XKR9: variants seen among roughly 807,000 people sequenced by gnomAD.
XKR9 encodes the protein XK related 9, also known as XK-related protein 9.
Under a neutral mutation model 32.0 loss-of-function variants are expected in XKR9, and 32 were observed. The ratio of observed to expected loss-of-function variants is 1.00; its 90% CI spans 0.76 to 1.34. XKR9 has a LOEUF of 1.34. Among genes scored for constraint, XKR9 ranks in the 40% most tolerant of loss-of-function variants. The pLI, the probability that XKR9 is intolerant of heterozygous loss-of-function variation, is 0.00. For synonymous variants in XKR9, 168 were observed against 143.4 expected (o/e 1.17, Z -1.22); for missense variants, 546 against 429.7 (o/e 1.27, Z -2.39).
chr8:70,927,737 G>A, the XKR9 span, among the ~76,000 whole-genome samples: 1 of 152,156 alleles, frequency 6.6e-6, no homozygotes, highest in Non-Finnish European at 1.5e-5. Flanking sequence ...TGAAAATTAA[G>A]TTTCAACATG....
At chr8:70,740,947 C>T (rs903012921) in intron 2 of XKR9, among the ~76,000 whole-genome samples, 7 of 152,198 alleles carry the variant, frequency 4.6e-5, no homozygotes, top group South Asian at 2.1e-4. Context: ...GCAGTCTGCC[C>T]GTTCTGAGAT....
intron 4 of XKR9, among the ~76,000 whole-genome samples, chr8:70,723,013 C>G (rs766511804): frequency 7.9e-5 from 12 of 151,670 alleles, no homozygotes; most frequent in Admixed American, 6.6e-5. Flanking sequence ...TTTGTTTTCT[C>G]TAATCTTGTC....
chr8:70,862,438 A>G, the XKR9 span, among the ~76,000 whole-genome samples: 1 of 151,878 alleles, frequency 6.6e-6, no homozygotes, highest in Non-Finnish European at 1.5e-5. Context: ...TTTTGGTATA[A>G]TACTTATTCT....
the XKR9 span, among the ~76,000 whole-genome samples, chr8:70,883,483 G>A: frequency 6.6e-6 from 1 of 151,780 alleles, no homozygotes; most frequent in African/African-American, 2.4e-5. Context: ...CTTTCCTTTG[G>A]GTAGATACCC....
chr8:70,955,014 G>A, the XKR9 span, among the ~76,000 whole-genome samples: 1 of 152,198 alleles, frequency 6.6e-6, no homozygotes, highest in Non-Finnish European at 1.5e-5. Context: ...ATTATAAAGT[G>A]CCCCTGTGTC....
the XKR9 span, among the ~76,000 whole-genome samples, chr8:70,906,827 T>G: frequency 1.3e-5 from 2 of 152,148 alleles, no homozygotes; most frequent in Admixed American, 6.5e-5. Flanking sequence ...TGTAAAAAAT[T>G]TTCCAAGATA....
chr8:70,786,594 C>T (rs1160294128), intron 2 of XKR9, among the ~76,000 whole-genome samples: 1 of 152,060 alleles, frequency 6.6e-6, no homozygotes, highest in South Asian at 2.1e-4. Flanking sequence ...ATAGCTAACA[C>T]TACTCTTTTG....
At chr8:70,819,535 A>G in the XKR9 span, among the ~76,000 whole-genome samples, 2 of 152,246 alleles carry the variant, frequency 1.3e-5, no homozygotes, top group African/African-American at 2.4e-5. Flanking sequence ...GGTTAAAATT[A>G]TGACTCCATC....
chr8:70,733,515 A>G (rs1046830551), intron 4 of XKR9, among the ~76,000 whole-genome samples: 4 of 152,108 alleles, frequency 2.6e-5, no homozygotes, highest in Admixed American at 2.6e-4. Flanking sequence ...AAATCATAAT[A>G]AAACAGTCTA....
rs1819053021 is a variant in XKR9 at position 70,680,843 on chromosome 8, G to A, written c.-216G>A. The A allele has an allele frequency of 2.6e-6, 1 of 387,330 alleles. No individual in the cohort carries two copies. The highest frequency in any genetic ancestry group is 4.7e-6 in the Non-Finnish European group (1 of 215,038). 24.0% of individuals were successfully genotyped at this position (387,330 alleles called of 1,614,324 possible). ...AGATTGATTAAAGCCTTGTAACATTGGACCTAGATTAGAGATTTAGAAAAG... is the reference window on the plus strand; with the variant it reads ...AGATTGATTAAAGCCTTGTAACATTAGACCTAGATTAGAGATTTAGAAAAG... On this transcript the variant is annotated 5_prime_UTR_variant, in exon 3 of 5. Coordinates refer to ENST00000408926, the MANE Select transcript of XKR9 (RefSeq NM_001011720.2).
At chr8:70,742,186 C>A (rs1488821494) in intron 2 of XKR9, among the ~76,000 whole-genome samples, 2 of 152,100 alleles carry the variant, frequency 1.3e-5, no homozygotes, top group Non-Finnish European at 2.9e-5. Flanking sequence ...ACAAAAAAGC[C>A]TAAATAACCA....
chr8:70,885,796 C>T, the XKR9 span, among the ~76,000 whole-genome samples: 1 of 152,158 alleles, frequency 6.6e-6, no homozygotes. Flanking sequence ...TGGGGTTTCA[C>T]TGTGTTAGCC....
chr8:71,021,840 T>G, the XKR9 span, among the ~76,000 whole-genome samples: 1 of 152,224 alleles, frequency 6.6e-6, no homozygotes, highest in Non-Finnish European at 1.5e-5. Flanking sequence ...CTCTTCAGTT[T>G]AATTCTGATT....
At chr8:70,977,053 T>C in the XKR9 span, among the ~76,000 whole-genome samples, 1,533 of 152,354 alleles carry the variant, frequency 0.01, 11 homozygotes, top group Non-Finnish European at 0.016. Flanking sequence ...TTCTGTGCGA[T>C]TGGTTGTGAG....
At chr8:70,794,674 A>G (rs1472959595), downstream of XKR9, among the ~76,000 whole-genome samples, 4 of 151,922 alleles carry the variant, frequency 2.6e-5, no homozygotes, top group Admixed American at 2.0e-4. Flanking sequence ...TGAATGTTGA[A>G]CCAACCTTTA....
At chr8:70,770,018 CA>C (rs1329006605) in intron 2 of XKR9, among the ~76,000 whole-genome samples, 1 of 152,078 alleles carries the variant, frequency 6.6e-6, no homozygotes, top group Non-Finnish European at 1.5e-5. Context: ...GGAGAAGATG[CA>C]TTCTGGTTTT....
At chr8:70,874,640 T>C in the XKR9 span, among the ~76,000 whole-genome samples, 1 of 152,240 alleles carries the variant, frequency 6.6e-6, no homozygotes, top group East Asian at 1.9e-4. Flanking sequence ...CTCTATCAGT[T>C]GATAACTGGC....
At chr8:70,748,647 G>A (rs1807092212) in intron 2 of XKR9, among the ~76,000 whole-genome samples, 1 of 152,206 alleles carries the variant, frequency 6.6e-6, no homozygotes, top group African/African-American at 2.4e-5. Flanking sequence ...ATGGTAGCAG[G>A]AGGCAGACAG....
the XKR9 span, among the ~76,000 whole-genome samples, chr8:71,001,339 A>C: frequency 0.32 from 48,218 of 151,676 alleles, 8,933 homozygotes; most frequent in Non-Finnish European, 0.43. Flanking sequence ...ACGGCTTACT[A>C]CAGCCTCAAC....
Sources: allele counts gnomAD v4.1 joint callset (sites outside exome capture counted in the v4.1 genomes callset), GRCh38; gene constraint gnomAD v4.1.1; transcripts MANE v1.5; gene names NCBI Gene and HGNC (gene_info 2026-07-23, HGNC 2026-07-21).